The following ERGIC1 variants were observed in gnomAD, a reference collection of about 807,000 sequenced individuals.
ERGIC1 encodes the protein endoplasmic reticulum-golgi intermediate compartment 1.
A neutral mutation model predicts 38.3 loss-of-function variants in ERGIC1; 19 were observed. The observed-to-expected ratio is 0.50, with a 90% CI of 0.35 to 0.73. ERGIC1 has a LOEUF of 0.73. ERGIC1 is among the 30% of genes least tolerant of loss of function. The pLI, the probability that ERGIC1 is intolerant of heterozygous loss-of-function variation, is 0.01. For synonymous variants in ERGIC1, 124 were observed against 157.6 expected (o/e 0.79, Z 1.60); for missense variants, 294 against 389.2 (o/e 0.76, Z 2.06).
At chr5:172,944,139 G>A (rs934162539) in intron 9 of ERGIC1, among the ~76,000 whole-genome samples, 1 of 152,170 alleles carries the variant, frequency 6.6e-6, no homozygotes, top group African/African-American at 2.4e-5. Flanking sequence ...TTTGTTTCTG[G>A]AGCTGTGGCT....
chr5:172,889,403 A>G (rs994300520), intron 2 of ERGIC1, among the ~76,000 whole-genome samples: 8 of 151,426 alleles, frequency 5.3e-5, no homozygotes, highest in Admixed American at 3.3e-4. Context: ...GTTTTTATCC[A>G]TTAAAAAAAA....
At chr5:172,911,959 A>C (rs934492226) in intron 4 of ERGIC1, among the ~76,000 whole-genome samples, 1 of 151,314 alleles carries the variant, frequency 6.6e-6, no homozygotes, top group African/African-American at 2.4e-5. Context: ...CTACCCCTAC[A>C]TGTGTGTGCG....
rs1173039695 is a variant in ERGIC1, at chr5:172,893,905, A to ATATATATATGTGTGTGTGTG, written c.83-3096_83-3095insATATATATGTGTGTGTGTGT. Among the ~76,000 whole-genome samples, 29 of 15,534 alleles carry ATATATATATGTGTGTGTGTG rather than the reference A, an allele frequency of 1.9e-3. 1 individual carries two copies. Among genetic ancestry groups the ATATATATATGTGTGTGTGTG allele is most frequent in the Non-Finnish European group, 4.0e-3 (19 of 4,708 alleles). 10.2% of individuals were successfully genotyped at this position (15,534 alleles called of 152,430 possible). ...TATATATATATATATATATATATAT[A>ATATATATATGTGTGTGTGTG]TGTGTGTGTGTGTGTGTGTGTGTGT... On this transcript the variant is annotated intron_variant, in intron 2 of 9. Transcript: ENST00000393784.
rs1376363791 is a variant in ERGIC1 at position 172,951,186 on chromosome 5, C to T, written c.*370C>T. On this transcript the variant is annotated 3_prime_UTR_variant, in exon 10 of 10. Transcript: ENST00000393784. Reference sequence around the variant, plus strand: ...GCTCTCAGCCAGGCTTCGACAATCTCGCAGCCCCCACTAGGTGGACACATT... The same window carrying T: ...GCTCTCAGCCAGGCTTCGACAATCTTGCAGCCCCCACTAGGTGGACACATT... 2.4e-5 allele frequency: 4 copies of T among 166,994 alleles called. No homozygotes were observed. The highest frequency in any genetic ancestry group is 1.7e-4 in the East Asian group (1 of 5,902). 10.3% of individuals were successfully genotyped at this position (166,994 alleles called of 1,614,324 possible).
rs1429850022 is a variant in ERGIC1, at chr5:172,893,935, G to GTGTGTATA, written c.83-3066_83-3065insGTGTATAT. Reference sequence around the variant, plus strand: ...TGTGTGTGTGTGTGTGTGTGTGTGTGTATATATATATATATATATTTAAAT... The same window carrying GTGTGTATA: ...TGTGTGTGTGTGTGTGTGTGTGTGTGTGTGTATATATATATATATATATATATTTAAAT... On this transcript the variant is annotated intron_variant, in intron 2 of 9. Coordinates refer to ENST00000393784, the MANE Select transcript of ERGIC1 (RefSeq NM_001031711.3). 5.8e-4 allele frequency among the ~76,000 whole-genome samples: 25 copies of GTGTGTATA among 42,824 alleles called. 2 individuals are homozygous for GTGTGTATA. The highest frequency in any genetic ancestry group is 9.9e-4 in the East Asian group (1 of 1,008). 28.1% of individuals were successfully genotyped at this position (42,824 alleles called of 152,430 possible). A position where few individuals can be genotyped will look rare whatever the true frequency, so the allele number is the denominator to read the frequency against.
chr5:172,834,560 C>A lies in ERGIC1; in HGVS notation c.20+127C>A, dbSNP rs1364831672. 16 of 931,434 alleles carry A rather than the reference C, an allele frequency of 1.7e-5. No individual in the cohort carries two copies. The highest frequency in any genetic ancestry group is 2.1e-5 in the Non-Finnish European group (15 of 729,518). 57.7% of individuals were successfully genotyped at this position (931,434 alleles called of 1,614,324 possible). ...CCCGCCCTGTGCATGCCTCCGCAGG[C>A]CCCTAGGGACCCCAGGCGAGCCCCC... On this transcript the variant is annotated intron_variant, in intron 1 of 9. Transcript: ENST00000393784. The surrounding 1 kb of genome is among the most constrained non-coding windows in gnomAD (Gnocchi z 4.1).
At chr5:172,944,180 C>T (rs543720034) in intron 9 of ERGIC1, among the ~76,000 whole-genome samples, 5 of 152,296 alleles carry the variant, frequency 3.3e-5, no homozygotes, top group African/African-American at 1.2e-4. Flanking sequence ...ATGCACTGGC[C>T]GAGGTGGCCC....
At chr5:172,947,952 T>C (rs1238821723) in intron 9 of ERGIC1, among the ~76,000 whole-genome samples, 1 of 151,878 alleles carries the variant, frequency 6.6e-6, no homozygotes, top group Non-Finnish European at 1.5e-5. Flanking sequence ...GTAAGTCACA[T>C]TTTCCTATCT....
chr5:172,945,637 A>C (rs1373330466), intron 9 of ERGIC1, among the ~76,000 whole-genome samples: 1 of 152,104 alleles, frequency 6.6e-6, no homozygotes, highest in Non-Finnish European at 1.5e-5. Context: ...TAGGTGCTCC[A>C]GATGTATTTT....
intron 1 of ERGIC1, among the ~76,000 whole-genome samples, chr5:172,860,895 G>C (rs1761680986): frequency 6.6e-6 from 1 of 152,234 alleles, no homozygotes. Flanking sequence ...GGCTGGGACT[G>C]TGTGGGGAGG....
intron 5 of ERGIC1, chr5:172,915,483 G>T (rs1763338282): frequency 4.5e-6 from 2 of 442,168 alleles, no homozygotes; most frequent in Non-Finnish European, 9.6e-6. Flanking sequence ...CCGCTCAGAA[G>T]GACCATTCAA....
intron 1 of ERGIC1, among the ~76,000 whole-genome samples, chr5:172,839,487 C>T (rs1255440733): frequency 6.6e-6 from 1 of 151,884 alleles, no homozygotes; most frequent in East Asian, 1.9e-4. Context: ...TCTCTTGAGC[C>T]CAGGAGGTGG....
chr5:172,905,484 A>G, intron 3 of ERGIC1: 3 of 463,302 alleles, frequency 6.5e-6, no homozygotes, highest in South Asian at 4.7e-5. Context: ...GGTGAGTGTT[A>G]CAGCTCTATT....
At chr5:172,915,313 G>C (rs1053613069) in intron 5 of ERGIC1, 1 of 510,518 alleles carries the variant, frequency 2.0e-6, no homozygotes, top group African/African-American at 1.9e-5. Context: ...TGTGTTCCAG[G>C]GTCGGTGATA....
chr5:172,841,728 T>C (rs1761166016), intron 1 of ERGIC1, among the ~76,000 whole-genome samples: 1 of 152,224 alleles, frequency 6.6e-6, no homozygotes, highest in Non-Finnish European at 1.5e-5. Context: ...TTATTAGCAA[T>C]ACCTCACGGC....
chr5:172,900,485 T>A (rs1476749339), intron 3 of ERGIC1, among the ~76,000 whole-genome samples: 1 of 151,832 alleles, frequency 6.6e-6, no homozygotes, highest in Non-Finnish European at 1.5e-5. Flanking sequence ...GGCCAGAGGA[T>A]CACTTAGCCC....
At chr5:172,853,415 G>A (rs1761462591) in intron 1 of ERGIC1, among the ~76,000 whole-genome samples, 2 of 152,210 alleles carry the variant, frequency 1.3e-5, no homozygotes, top group African/African-American at 2.4e-5. Flanking sequence ...CTTCCTCAGT[G>A]GAGCCTTCTG....
intron 2 of ERGIC1, among the ~76,000 whole-genome samples, chr5:172,890,971 C>T (rs570194247): frequency 6.6e-6 from 1 of 152,362 alleles, no homozygotes; most frequent in South Asian, 2.1e-4. Flanking sequence ...ATGCATGTCA[C>T]ACAGGCTCTG....
At chr5:172,839,026 A>T (rs1761095045) in intron 1 of ERGIC1, among the ~76,000 whole-genome samples, 1 of 151,948 alleles carries the variant, frequency 6.6e-6, no homozygotes, top group South Asian at 2.1e-4. Context: ...GGATTACCTG[A>T]GGTCAGGAGT....
Sources: gnomAD v4.1 joint callset for allele counts (sites outside exome capture counted in the v4.1 genomes callset) on GRCh38, gnomAD v4.1.1 for gene constraint, Gnocchi (gnomAD v3.1) non-coding constraint, MANE v1.5 for transcripts, NCBI Gene and HGNC (gene_info 2026-07-23, HGNC 2026-07-21) for gene names.